Variants in DENND5B observed in about 807,000 individuals in gnomAD.
The protein encoded by DENND5B is DENN domain containing 5B, also known as DENN domain-containing protein 5B.
In DENND5B, 34 loss-of-function variants were observed where a neutral mutation model predicts 140.6. The observed-to-expected ratio is 0.24, with a 90% confidence interval of 0.18 to 0.32. The LOEUF (loss-of-function observed/expected upper bound fraction) is 0.32, where lower values mean the gene tolerates loss of function less well. DENND5B is among the 10% of genes least tolerant of loss of function. The pLI, the probability that DENND5B is intolerant of heterozygous loss-of-function variation, is 1.00. For missense variants in DENND5B, 1,142 were observed against 1,560.2 expected (o/e 0.73, Z 4.52); for synonymous variants, 551 against 562.1 (o/e 0.98, Z 0.28).
intron 1 of DENND5B, among the ~76,000 whole-genome samples, chr12:31,515,108 G>A (rs1947576765): frequency 6.6e-6 from 1 of 152,166 alleles, no homozygotes; most frequent in African/African-American, 2.4e-5. Flanking sequence ...GGGCAACAGA[G>A]TGAGACCCTG....
intron 1 of DENND5B, among the ~76,000 whole-genome samples, chr12:31,550,030 T>C (rs1474218539): frequency 6.6e-6 from 1 of 151,938 alleles, no homozygotes; most frequent in Non-Finnish European, 1.5e-5. Context: ...CTCTGAGGAA[T>C]CATAAAAGGC....
In DENND5B at chr12:31,423,590, G is replaced by A. The variant is rs751299263; in HGVS notation, c.2470+7C>T. ...GTGCTGCTAGTTCTTTACCAATGAT[G>A]TCATACCTGGTGATTCTGCAAGGTG... is the stretch of plus-strand genomic sequence containing the variant. On this transcript the variant is annotated splice_region_variant and intron_variant, in intron 11 of 20. Coordinates refer to ENST00000389082, the MANE Select transcript of DENND5B (RefSeq NM_144973.4). 1 of 1,613,574 alleles carries A rather than the reference G, an allele frequency of 6.2e-7. No homozygotes were observed. Among genetic ancestry groups the A allele is most frequent in the South Asian group, 1.1e-5 (1 of 91,068 alleles).
rs1216132786 is a variant in DENND5B at position 31,480,054 on chromosome 12, C to T, written c.439G>A (p.Val147Met). 2.0e-5 allele frequency: 33 copies of T among 1,613,866 alleles called. No individual in the cohort carries two copies. The highest frequency in any genetic ancestry group is 1.6e-4 in the Middle Eastern group (1 of 6,084). ...ATACTGCAGGAAGATGAAGCATACA[C>T]ACTGCTGTAATGCTCAGCGTTGTGC... Reference protein sequence around the residue: ...QMHNAEHYSSVYASSSCSMDS... With the variant: ...QMHNAEHYSSMYASSSCSMDS... The change falls in exon 3 of 21, where the codon GTG becomes ATG. Residue 147 changes from valine (V) to methionine (M), a missense_variant. Physicochemically the swap from Val to Met is conservative, Grantham distance 21 (BLOSUM62 1). Around this residue, in one of 5 missense-constraint regions of DENND5B, gnomAD observed 708 missense variants for 905.5 expected, o/e 0.78. Transcript: ENST00000389082.
At chr12:31,500,403 G>C (rs988950338) in intron 1 of DENND5B, 2 of 453,576 alleles carry the variant, frequency 4.4e-6, no homozygotes, top group Non-Finnish European at 8.8e-6. Flanking sequence ...ATCCTGGCTG[G>C]GCATGTTGGC....
intron 1 of DENND5B, among the ~76,000 whole-genome samples, chr12:31,578,746 G>A (rs2139456238): frequency 6.6e-6 from 1 of 152,136 alleles, no homozygotes; most frequent in East Asian, 1.9e-4. Context: ...CAGCAGTTGA[G>A]GACAGCTGGT....
intron 1 of DENND5B, among the ~76,000 whole-genome samples, chr12:31,550,171 A>G (rs566137508): frequency 6.7e-5 from 10 of 148,822 alleles, no homozygotes; most frequent in Admixed American, 2.0e-4. Context: ...CCATTAACTC[A>G]TCATTTAGCA....
chr12:31,500,568 TACTC>T (rs1229440676), intron 1 of DENND5B: 11 of 307,780 alleles, frequency 3.6e-5, no homozygotes, highest in South Asian at 2.8e-4. Flanking sequence ...TAATCCCAGT[TACTC>T]AGGAAGGCCA....
At chr12:31,463,482 A>C (rs1422893831) in intron 3 of DENND5B, among the ~76,000 whole-genome samples, 1 of 152,168 alleles carries the variant, frequency 6.6e-6, no homozygotes, top group South Asian at 2.1e-4. Flanking sequence ...TAGAGGCTAA[A>C]ACAATATTTT....
intron 1 of DENND5B, among the ~76,000 whole-genome samples, chr12:31,543,369 C>CTT (rs1171356841): frequency 6.6e-6 from 1 of 152,148 alleles, no homozygotes; most frequent in Non-Finnish European, 1.5e-5. Flanking sequence ...ACAGTACCTG[C>CTT]TACTAAGATC....
chr12:31,416,402 T>C (rs910087184), intron 11 of DENND5B, among the ~76,000 whole-genome samples: 5 of 152,038 alleles, frequency 3.3e-5, no homozygotes, highest in Non-Finnish European at 1.5e-5. Context: ...TAGCTGGGAC[T>C]ACAGGAGTGC....
At chr12:31,464,722 G>C (rs994759817) in intron 3 of DENND5B, among the ~76,000 whole-genome samples, 4 of 151,930 alleles carry the variant, frequency 2.6e-5, no homozygotes, top group African/African-American at 9.7e-5. Flanking sequence ...CACCACGCCT[G>C]GCTAATTTTT....
At chr12:31,401,470 C>T (rs1941793776) in intron 15 of DENND5B, among the ~76,000 whole-genome samples, 1 of 152,152 alleles carries the variant, frequency 6.6e-6, no homozygotes, top group Admixed American at 6.6e-5. Flanking sequence ...CCCCAAGGAA[C>T]ATGAGAATGG....
At chr12:31,482,399 G>A (rs1946102012) in intron 2 of DENND5B, among the ~76,000 whole-genome samples, 1 of 152,126 alleles carries the variant, frequency 6.6e-6, no homozygotes, top group Non-Finnish European at 1.5e-5. Context: ...CTCCAAATCA[G>A]TTTCTTCTTA....
intron 4 of DENND5B, among the ~76,000 whole-genome samples, chr12:31,454,161 A>T (rs918291645): frequency 2.0e-5 from 3 of 151,308 alleles, no homozygotes; most frequent in African/African-American, 4.9e-5. Context: ...AAAAAAAAAA[A>T]TTTCGGTTTC....
chr12:31,389,214 G>GA, intron 20 of DENND5B, 110 bp downstream of exon 20: 1 of 1,059,180 alleles, frequency 9.4e-7, no homozygotes, highest in Non-Finnish European at 1.3e-6. Context: ...AAAGTAAAAG[G>GA]AAAGAAACCC....
intron 1 of DENND5B, among the ~76,000 whole-genome samples, chr12:31,551,961 TG>T (rs1949078917): frequency 6.6e-6 from 1 of 152,214 alleles, no homozygotes; most frequent in African/African-American, 2.4e-5. Flanking sequence ...AAGGAGATTT[TG>T]GGCTGAGACG....
chr12:31,537,859 T>C (rs1166745173), intron 1 of DENND5B, among the ~76,000 whole-genome samples: 2 of 152,036 alleles, frequency 1.3e-5, no homozygotes, highest in Non-Finnish European at 2.9e-5. Flanking sequence ...CGAAATAGAT[T>C]TCAAGACAAA....
At chr12:31,421,808 T>C (rs947568400) in intron 11 of DENND5B, among the ~76,000 whole-genome samples, 3 of 152,170 alleles carry the variant, frequency 2.0e-5, no homozygotes, top group Non-Finnish European at 4.4e-5. Context: ...TGCCTTGCCC[T>C]CCCAAAGTGT....
intron 11 of DENND5B, among the ~76,000 whole-genome samples, chr12:31,422,073 A>ATCC (rs1349679449): frequency 6.6e-6 from 1 of 152,094 alleles, no homozygotes; most frequent in Non-Finnish European, 1.5e-5. Context: ...TACTACATTT[A>ATCC]GGATAGTGTT....
Sources: allele counts gnomAD v4.1 joint callset (sites outside exome capture counted in the v4.1 genomes callset), GRCh38; gene constraint gnomAD v4.1.1; regional missense constraint gnomAD v4.1.1; transcripts MANE v1.5; gene names NCBI Gene and HGNC (gene_info 2026-07-23, HGNC 2026-07-21).